SLC22A4: variants seen among roughly 807,000 people sequenced by gnomAD.
SLC22A4 encodes solute carrier family 22 member 4, also known as ET transporter.
In SLC22A4, 39 loss-of-function variants were observed where a neutral mutation model predicts 56.6. The ratio of observed to expected loss-of-function variants is 0.69; its 90% confidence interval spans 0.53 to 0.90. SLC22A4 has a LOEUF of 0.90. Ranked by LOEUF, SLC22A4 falls within the 40% of genes least tolerant of loss-of-function variation. The pLI is 0.00. For missense variants in SLC22A4, 594 were observed against 696.5 expected, an observed-to-expected ratio of 0.85 and a Z score of 1.66; for synonymous variants, 241 against 281.4, an observed-to-expected ratio of 0.86 and a Z score of 1.44.
chr5:132,322,285 T>C lies in SLC22A4; in HGVS notation c.754T>C (p.Phe252Leu). 6.2e-7 allele frequency: 1 copy of C among 1,614,130 alleles called. No individual in the cohort carries two copies. ...TATGCTGCTGCCACTGTTTGCTTAC[T>C]TCATCAGAGACTGGCGGATGCTGCT... Reference protein sequence around the residue: ...GYMLLPLFAYFIRDWRMLLLA... With the variant: ...GYMLLPLFAYLIRDWRMLLLA... The change falls in exon 4 of 10, where the codon TTC becomes CTC. Residue 252 changes from phenylalanine to leucine, a missense_variant. By Grantham distance (22) the Phe-to-Leu change is conservative. Coordinates refer to ENST00000200652, the MANE Select transcript of SLC22A4 (RefSeq NM_003059.3).
In SLC22A4 at chr5:132,309,151, G is replaced by A. The variant is rs183788668; in HGVS notation, c.394-3010G>A. ...TTTCCTAAGAAAAGCCTTTTCTAAA[G>A]GACCCCTCTTAGGACTGGCAGCTGA... is the stretch of plus-strand genomic sequence containing the variant. On this transcript the variant is annotated intron_variant, in intron 1 of 9. Coordinates refer to ENST00000200652, the MANE Select transcript of SLC22A4 (RefSeq NM_003059.3). Among the ~76,000 whole-genome samples, 13 of 152,260 alleles carry A rather than the reference G, an allele frequency of 8.5e-5. No homozygotes were observed. In the East Asian group the frequency reaches 2.3e-3, roughly 27 times the overall value.
chr5:132,313,096 A>C (rs921693346), intron 2 of SLC22A4, among the ~76,000 whole-genome samples: 1 of 152,230 alleles, frequency 6.6e-6, no homozygotes, highest in Non-Finnish European at 1.5e-5. Flanking sequence ...CTCATCTGGG[A>C]AACTTTCCCA....
At chr5:132,332,150 C>T (rs947929265) in intron 6 of SLC22A4, 6 of 350,008 alleles carry the variant, frequency 1.7e-5, no homozygotes, top group South Asian at 1.2e-4. Flanking sequence ...CCCGTCTCTA[C>T]TAAAAATACA....
At chr5:132,329,640 A>G (rs1750799643) in intron 5 of SLC22A4, among the ~76,000 whole-genome samples, 2 of 152,276 alleles carry the variant, frequency 1.3e-5, no homozygotes, top group South Asian at 4.1e-4. Flanking sequence ...AGTAGCATTA[A>G]CTTGGATAGG....
At chr5:132,313,796 G>A in intron 3 of SLC22A4, 28 bp downstream of exon 3, 1 of 1,611,110 alleles carries the variant, frequency 6.2e-7, no homozygotes, top group Non-Finnish European at 8.5e-7. Flanking sequence ...GACATGGGGT[G>A]CTTCCCTCTA....
intron 8 of SLC22A4, among the ~76,000 whole-genome samples, chr5:132,336,564 A>G (rs1352398356): frequency 2.0e-5 from 3 of 152,168 alleles, no homozygotes; most frequent in East Asian, 3.8e-4. Flanking sequence ...AAGAATAAAC[A>G]CACAAATAAC....
chr5:132,337,372 A>AAG (rs1751057160), intron 8 of SLC22A4, among the ~76,000 whole-genome samples: 1 of 149,986 alleles, frequency 6.7e-6, no homozygotes, highest in African/African-American at 2.4e-5. Context: ...CCCCAGGCTC[A>AAG]AGAGATCCTC....
chr5:132,341,233 C>T (rs1407646838), intron 9 of SLC22A4, among the ~76,000 whole-genome samples: 7 of 151,962 alleles, frequency 4.6e-5, no homozygotes, highest in African/African-American at 1.7e-4. Flanking sequence ...TCCTGGCCAA[C>T]ATGGTGAAAC....
At chr5:132,313,977 T>C (rs1416340336) in intron 3 of SLC22A4, among the ~76,000 whole-genome samples, 2 of 151,980 alleles carry the variant, frequency 1.3e-5, no homozygotes, top group Admixed American at 1.3e-4. Flanking sequence ...TGAAATGTGG[T>C]GGAGAAGAAG....
chr5:132,324,394 A>G, intron 4 of SLC22A4: 2 of 406,610 alleles, frequency 4.9e-6, no homozygotes, highest in Non-Finnish European at 5.1e-6. Flanking sequence ...TTTCCAGCAG[A>G]GAAGGTCCAT....
chr5:132,339,870 T>C (rs1751151864), intron 8 of SLC22A4, among the ~76,000 whole-genome samples: 2 of 152,300 alleles, frequency 1.3e-5, no homozygotes, highest in African/African-American at 2.4e-5. Context: ...GCTCTGTATG[T>C]ATACAGGGGC....
intron 1 of SLC22A4, among the ~76,000 whole-genome samples, chr5:132,303,645 TTCCCATCC>T (rs1160113293): frequency 3.3e-5 from 5 of 151,698 alleles, no homozygotes; most frequent in Admixed American, 3.3e-4. Context: ...GGATCATAGG[TTCCCATCC>T]TCCACCCACC....
At chr5:132,311,488 C>T (rs569007735) in intron 1 of SLC22A4, 1 of 153,452 alleles carries the variant, frequency 6.5e-6, no homozygotes, top group African/African-American at 2.4e-5. Flanking sequence ...GACCACACTT[C>T]TGGAAAGACT....
At chr5:132,303,930 G>A (rs983294180) in intron 1 of SLC22A4, among the ~76,000 whole-genome samples, 1 of 152,166 alleles carries the variant, frequency 6.6e-6, no homozygotes, top group Non-Finnish European at 1.5e-5. Flanking sequence ...TGTCCCCACA[G>A]GAACGAACTT....
chr5:132,301,741 C>T (rs1033991028), intron 1 of SLC22A4, among the ~76,000 whole-genome samples: 2 of 152,196 alleles, frequency 1.3e-5, no homozygotes, highest in African/African-American at 2.4e-5. Flanking sequence ...CTTCACATAG[C>T]GGCTCTCAAG....
chr5:132,334,000 G>C (rs1300113175), intron 6 of SLC22A4, among the ~76,000 whole-genome samples: 1 of 151,998 alleles, frequency 6.6e-6, no homozygotes, highest in Non-Finnish European at 1.5e-5. Flanking sequence ...GTAGAGACGG[G>C]GTTTCACCAT....
At chr5:132,332,957 T>C (rs1750910624) in intron 6 of SLC22A4, among the ~76,000 whole-genome samples, 1 of 152,174 alleles carries the variant, frequency 6.6e-6, no homozygotes, top group Admixed American at 6.5e-5. Context: ...TGTTCTTGGG[T>C]AGTGGTGCTA....
chr5:132,331,739 C>A lies in SLC22A4; in HGVS notation c.952-17C>A. Reference sequence around the variant, plus strand: ...TACCTCTTAATCTCATGGTTATTTGCATTATTTTGGTTACAGGAGCTAAAT... The same window carrying A: ...TACCTCTTAATCTCATGGTTATTTGAATTATTTTGGTTACAGGAGCTAAAT... On this transcript the variant is annotated splice_polypyrimidine_tract_variant and intron_variant, in intron 5 of 9. Coordinates refer to ENST00000200652, the MANE Select transcript of SLC22A4 (RefSeq NM_003059.3). 6.4e-7 allele frequency: 1 copy of A among 1,564,418 alleles called. No homozygotes were observed. The highest frequency in any genetic ancestry group is 8.8e-7 in the Non-Finnish European group (1 of 1,134,694).
At chr5:132,343,066 C>T (rs1433775547) in intron 9 of SLC22A4, among the ~76,000 whole-genome samples, 2 of 152,174 alleles carry the variant, frequency 1.3e-5, no homozygotes, top group African/African-American at 4.8e-5. Context: ...ACAAAAGAAG[C>T]TTTTATCACT....
Sources: allele counts gnomAD v4.1 joint callset (sites outside exome capture counted in the v4.1 genomes callset), GRCh38; gene constraint gnomAD v4.1.1; transcripts MANE v1.5; gene names NCBI Gene and HGNC (gene_info 2026-07-23, HGNC 2026-07-21).